PXDC1: variants seen among roughly 807,000 people sequenced by gnomAD.
PXDC1 encodes the protein PX domain containing 1, also known as PX domain-containing protein 1.
Under a neutral mutation model 24.4 loss-of-function variants are expected in PXDC1, and 13 were observed. That is an observed-to-expected ratio of 0.53 (90% CI 0.35 to 0.85). The LOEUF is 0.85. Among genes scored for constraint, PXDC1 ranks in the 40% least tolerant of loss-of-function variants. The pLI, the probability that PXDC1 is intolerant of heterozygous loss-of-function variation, is 0.01. For synonymous variants in PXDC1, 162 were observed against 124.9 expected (o/e 1.30, Z -1.98); for missense variants, 344 against 309.3 (o/e 1.11, Z -0.84).
Position 3,734,114 on chromosome 6 carries a change from A to C in PXDC1, c.466+2965T>G, listed in dbSNP as rs1425987481. On this transcript the variant is annotated intron_variant, in intron 3 of 4. Coordinates refer to ENST00000380283, the MANE Select transcript of PXDC1 (RefSeq NM_183373.4). The stretch of plus-strand genomic sequence containing the variant: ...CAGCCCTTGCAAAAAGGCAAAGAAA[A>C]CATACTTTCAATGGCAACATGAGAC... 2.6e-5 allele frequency among the ~76,000 whole-genome samples: 4 copies of C among 152,202 alleles called. No individual in the cohort carries two copies. In the East Asian group the frequency reaches 7.7e-4, roughly 29 times the overall value.
rs765406277 is a variant in PXDC1 at position 3,737,152 on chromosome 6, A to T, written c.393T>A (p.Pro131=). The T allele has an allele frequency of 1.9e-6, 3 of 1,613,790 alleles. No homozygotes were observed. The highest frequency in any genetic ancestry group is 4.5e-5 in the East Asian group (2 of 44,892). ...EVVLTFFERS[P]LDQVLKNDNV... Reference sequence around the variant, plus strand: ...TATCATTTTTTAACACCTGATCCAGAGGAGATCTTTCGAAGAAGGTGAGCA... The same window carrying T: ...TATCATTTTTTAACACCTGATCCAGTGGAGATCTTTCGAAGAAGGTGAGCA... The change falls in exon 3 of 5, where the codon CCT becomes CCA. Residue 131 remains proline (P), a synonymous_variant. Coordinates refer to ENST00000380283, the MANE Select transcript of PXDC1 (RefSeq NM_183373.4). The surrounding 1 kb of genome is among the most constrained non-coding windows in gnomAD (Gnocchi z 5.5).
Position 3,740,599 on chromosome 6 carries a change from T to G in PXDC1, c.257-2451A>C, listed in dbSNP as rs149797094. ...TAGGATTTTAGTTGGGCGTGCAGAC[T>G]CTTCATGACCTGCTCCTAGCCCACC... On this transcript the variant is annotated intron_variant, in intron 1 of 4. Transcript: ENST00000380283. Among the ~76,000 whole-genome samples, 333 of 152,288 alleles carry G rather than the reference T, an allele frequency of 2.2e-3. 2 individuals are homozygous for G. The highest frequency in any genetic ancestry group is 7.6e-3 in the African/African-American group (315 of 41,556).
intron 3 of PXDC1, among the ~76,000 whole-genome samples, chr6:3,731,879 G>A (rs1308011458): frequency 6.6e-6 from 1 of 152,218 alleles, no homozygotes; most frequent in Non-Finnish European, 1.5e-5. Context: ...CATGAGACCT[G>A]GAGTGGCATA....
intron 3 of PXDC1, among the ~76,000 whole-genome samples, chr6:3,734,277 G>A (rs1253853754): frequency 6.6e-6 from 1 of 152,202 alleles, no homozygotes; most frequent in Admixed American, 6.5e-5. Context: ...TGTGCCTCAG[G>A]AGCTTCTCCA....
rs143012075 is a variant in PXDC1, at chr6:3,744,138, A to C, written c.257-5990T>G. 2.3e-3 allele frequency among the ~76,000 whole-genome samples: 349 copies of C among 152,222 alleles called. 3 individuals are homozygous for C. Among genetic ancestry groups the C allele is most frequent in the African/African-American group, 8.2e-3 (342 of 41,520 alleles). On this transcript the variant is annotated intron_variant, in intron 1 of 4. Transcript: ENST00000380283. Reference sequence around the variant, plus strand: ...GGCTTTTTCATTATTTTCCCCACTAAAAGCCAAATCCTCTTCCTAAATTTT... The same window carrying C: ...GGCTTTTTCATTATTTTCCCCACTACAAGCCAAATCCTCTTCCTAAATTTT...
Position 3,723,610 on chromosome 6 carries a change from TAG to T in PXDC1, c.*7_*8del. The T allele has an allele frequency of 6.3e-7, 1 of 1,599,758 alleles. No individual in the cohort carries two copies. The highest frequency in any genetic ancestry group is 8.6e-7 in the Non-Finnish European group (1 of 1,167,154). ...AACAGCTGAGGCGGGGGAGGCCTGA[TAG>T]AGAGGTTCAGTCCCAAATGTCTGTC... is the stretch of plus-strand genomic sequence containing the variant. On this transcript the variant is annotated 3_prime_UTR_variant, in exon 5 of 5. Coordinates refer to ENST00000380283, the MANE Select transcript of PXDC1 (RefSeq NM_183373.4).
Position 3,737,685 on chromosome 6 carries a change from G to A in PXDC1, c.348+372C>T, listed in dbSNP as rs1028440988. On this transcript the variant is annotated intron_variant, in intron 2 of 4. Coordinates refer to ENST00000380283, the MANE Select transcript of PXDC1 (RefSeq NM_183373.4). This position sits in a 1 kb window ranked among gnomAD's most constrained non-coding sequence, Gnocchi z 5.5. ...TGTGCTGACGCCAACGTTCTTCTTGGTTTCCACGTGTCTGTTCTAAAATCC... is the reference window on the plus strand; with the variant it reads ...TGTGCTGACGCCAACGTTCTTCTTGATTTCCACGTGTCTGTTCTAAAATCC... 7 of 985,426 alleles carry A rather than the reference G, an allele frequency of 7.1e-6. No homozygotes were observed. Among genetic ancestry groups the A allele is most frequent in the Non-Finnish European group, 8.4e-6 (7 of 829,926 alleles). 61.0% of individuals were successfully genotyped at this position (985,426 alleles called of 1,614,324 possible).
rs556798678 is a variant in PXDC1, at chr6:3,744,468, G to A, written c.257-6320C>T. Among the ~76,000 whole-genome samples the A allele has an allele frequency of 2.3e-3, 356 of 152,346 alleles. 1 individual carries two copies. Among genetic ancestry groups the A allele is most frequent in the African/African-American group, 8.2e-3 (343 of 41,582 alleles). On this transcript the variant is annotated intron_variant, in intron 1 of 4. Transcript: ENST00000380283. ...CAGGGGATCCCCCCCACACTCCCGG[G>A]CAGGAGGCGGCCTGAAGGGTGAGCG...
intron 1 of PXDC1, among the ~76,000 whole-genome samples, chr6:3,748,317 G>A (rs1322482262): frequency 1.3e-5 from 2 of 152,096 alleles, no homozygotes; most frequent in African/African-American, 4.8e-5. Context: ...AGGGAGAGGG[G>A]GCATATCCAA....
At position 3,751,648 on chromosome 6, in the gene PXDC1, G is replaced by A; in HGVS notation, c.-117C>T. The A allele has an allele frequency of 7.5e-7, 1 of 1,331,826 alleles. No homozygotes were observed. The highest frequency in any genetic ancestry group is 9.6e-7 in the Non-Finnish European group (1 of 1,045,706). 82.5% of individuals were successfully genotyped at this position (1,331,826 alleles called of 1,614,324 possible). A position where few individuals can be genotyped will look rare whatever the true frequency, so the allele number is the denominator to read the frequency against. ...CCGTGGCCGGGGTCGTCCGGGGTCG[G>A]CCCGTCACTCCAAGGAGGCTGCGTA... On this transcript the variant is annotated 5_prime_UTR_variant, in exon 1 of 5. Transcript: ENST00000380283.
chr6:3,738,213 T>C, intron 1 of PXDC1, 65 bp from the exon 2 acceptor site: 1 of 1,233,978 alleles, frequency 8.1e-7, no homozygotes, highest in Non-Finnish European at 1.2e-6. Context: ...CCCAATGCAA[T>C]ACACAACAGG....
In PXDC1 at chr6:3,751,313, C is replaced by T. The variant is rs750722502; in HGVS notation, c.219G>A (p.Glu73=). The T allele has an allele frequency of 1.3e-6, 2 of 1,547,196 alleles. No individual in the cohort carries two copies. Among genetic ancestry groups the T allele is most frequent in the South Asian group, 1.2e-5 (1 of 83,922 alleles). Reference sequence around the variant, plus strand: ...GCCCCTGCGCCAGTTCGGACCGGTCCTCGGGAAAGGCGTCGCGCAGGCGCT... The same window carrying T: ...GCCCCTGCGCCAGTTCGGACCGGTCTTCGGGAAAGGCGTCGCGCAGGCGCT... ...LWQRLRDAFP[E]DRSELAQGPL... Residue 73 remains glutamate, a synonymous_variant, in exon 1 of 5, where the codon GAG becomes GAA. Transcript: ENST00000380283.
chr6:3,740,015 A>C (rs577315853), intron 1 of PXDC1, among the ~76,000 whole-genome samples: 46 of 152,360 alleles, frequency 3.0e-4, no homozygotes, highest in African/African-American at 1.1e-3. Flanking sequence ...AACTACTGTT[A>C]TATTTCAACT....
intron 1 of PXDC1, chr6:3,739,004 G>C: frequency 7.9e-7 from 1 of 1,258,616 alleles, no homozygotes; most frequent in Non-Finnish European, 1.0e-6. Flanking sequence ...AGGCTTAAGT[G>C]CCAGAACTAT....
intron 1 of PXDC1, among the ~76,000 whole-genome samples, chr6:3,742,089 G>T (rs147979339): frequency 6.6e-6 from 1 of 152,296 alleles, no homozygotes; most frequent in East Asian, 1.9e-4. Flanking sequence ...AATTTATAAA[G>T]AAAAAGTTCT....
intron 1 of PXDC1, among the ~76,000 whole-genome samples, chr6:3,743,450 G>C (rs140415609): frequency 9.1e-4 from 139 of 152,094 alleles, no homozygotes; most frequent in Admixed American, 1.6e-3. Flanking sequence ...AGAGGTGAAG[G>C]GGGGAACGCA....
At chr6:3,743,167 A>G (rs1760486504) in intron 1 of PXDC1, among the ~76,000 whole-genome samples, 1 of 151,980 alleles carries the variant, frequency 6.6e-6, no homozygotes, top group African/African-American at 2.4e-5. Context: ...ATCTGACTCT[A>G]GCGGGAGGGC....
chr6:3,736,902 A>C (rs534092710), intron 3 of PXDC1, among the ~76,000 whole-genome samples, 177 bp downstream of exon 3: 3 of 152,330 alleles, frequency 2.0e-5, no homozygotes, highest in Non-Finnish European at 4.4e-5. Flanking sequence ...AAACCACAGG[A>C]GGAAACACTG....
chr6:3,749,764 T>C (rs927234212), intron 1 of PXDC1, among the ~76,000 whole-genome samples: 6 of 152,170 alleles, frequency 3.9e-5, no homozygotes, highest in Admixed American at 1.3e-4. Flanking sequence ...AAGTTACAGG[T>C]GGGGAGCCCC....
Sources: gnomAD v4.1 joint callset for allele counts (sites outside exome capture counted in the v4.1 genomes callset) on GRCh38, gnomAD v4.1.1 for gene constraint, Gnocchi (gnomAD v3.1) non-coding constraint, MANE v1.5 for transcripts, NCBI Gene and HGNC (gene_info 2026-07-23, HGNC 2026-07-21) for gene names.